ITFG1: variants seen among roughly 807,000 people sequenced by gnomAD.
The protein encoded by ITFG1 is T-cell immunomodulatory protein.
ITFG1 carries 34 observed loss-of-function variants against 81.8 expected under a neutral mutation model. That is an observed-to-expected ratio of 0.42 (90% CI 0.32 to 0.55). ITFG1 has a LOEUF of 0.55. ITFG1 is among the 20% of genes least tolerant of loss of function. The pLI is 0.17. For synonymous variants in ITFG1, 285 were observed against 270.6 expected (o/e 1.05, Z -0.52); for missense variants, 672 against 755.4 (o/e 0.89, Z 1.29).
chr16:47,301,136 G>A (rs1967069354), intron 10 of ITFG1, among the ~76,000 whole-genome samples: 1 of 152,046 alleles, frequency 6.6e-6, no homozygotes. Flanking sequence ...AAAGACAAAT[G>A]AGAATAAAAC....
intron 14 of ITFG1, among the ~76,000 whole-genome samples, chr16:47,173,018 A>C (rs1206244084): frequency 6.6e-6 from 1 of 152,102 alleles, no homozygotes; most frequent in Non-Finnish European, 1.5e-5. Flanking sequence ...AAAATCTAGG[A>C]GTGCTTATAT....
At chr16:47,164,470 C>T (rs1259106103) in intron 14 of ITFG1, among the ~76,000 whole-genome samples, 1 of 152,196 alleles carries the variant, frequency 6.6e-6, no homozygotes, top group African/African-American at 2.4e-5. Flanking sequence ...TTACGCAGGG[C>T]TTCATGGTGA....
chr16:47,434,742 C>T (rs1018263746), intron 5 of ITFG1, among the ~76,000 whole-genome samples: 18 of 151,990 alleles, frequency 1.2e-4, no homozygotes, highest in African/African-American at 3.6e-4. Flanking sequence ...GCACTATGCA[C>T]GATAGCAACG....
At chr16:47,336,456 C>A (rs2151575709) in intron 8 of ITFG1, among the ~76,000 whole-genome samples, 1 of 152,300 alleles carries the variant, frequency 6.6e-6, no homozygotes, top group Admixed American at 6.5e-5. Context: ...ACTTATAAAT[C>A]ATTGTGTATG....
At chr16:47,309,298 T>C (rs1371343724) in intron 10 of ITFG1, among the ~76,000 whole-genome samples, 2 of 151,980 alleles carry the variant, frequency 1.3e-5, no homozygotes, top group African/African-American at 2.4e-5. Context: ...CCTCGATCTC[T>C]TGACCTCATG....
At chr16:47,296,683 G>A (rs1966986833) in intron 10 of ITFG1, among the ~76,000 whole-genome samples, 1 of 152,174 alleles carries the variant, frequency 6.6e-6, no homozygotes, top group Non-Finnish European at 1.5e-5. Flanking sequence ...TGATCCACTG[G>A]CCTCGGTCTC....
intron 8 of ITFG1, among the ~76,000 whole-genome samples, chr16:47,316,683 C>T (rs1029406002): frequency 6.6e-6 from 1 of 152,148 alleles, no homozygotes; most frequent in Non-Finnish European, 1.5e-5. Context: ...GTTTCCACAG[C>T]CTTTCTTTGC....
chr16:47,269,668 A>G (rs1265723656), intron 10 of ITFG1, among the ~76,000 whole-genome samples: 1 of 152,196 alleles, frequency 6.6e-6, no homozygotes, highest in Non-Finnish European at 1.5e-5. Flanking sequence ...ATTCATAGTC[A>G]GAGGATGCAA....
rs115172486 is a variant in ITFG1, at chr16:47,235,837, A to T, written c.1374+2128T>A. ...AGTAAATAATTTCGCAAGTGGGCAT[A>T]CATTTGACATTTGTGATACTGGGTA... On this transcript the variant is annotated intron_variant, in intron 13 of 17. Transcript: ENST00000320640. Among the ~76,000 whole-genome samples the T allele has an allele frequency of 4.6e-3, 697 of 152,364 alleles. 4 individuals carry two copies. The highest frequency in any genetic ancestry group is 0.016 in the African/African-American group (674 of 41,586).
intron 14 of ITFG1, among the ~76,000 whole-genome samples, chr16:47,177,147 T>A (rs954616434): frequency 2.6e-4 from 40 of 152,064 alleles, no homozygotes; most frequent in African/African-American, 9.2e-4. Context: ...TTTTTTAAAA[T>A]TTTTAAGGGA....
At chr16:47,171,369 T>C (rs1435524341) in intron 14 of ITFG1, among the ~76,000 whole-genome samples, 2 of 152,198 alleles carry the variant, frequency 1.3e-5, no homozygotes, top group Non-Finnish European at 2.9e-5. Flanking sequence ...TTAACTTCTA[T>C]AAGGTCAGCA....
Position 47,395,927 on chromosome 16 carries a change from C to A in ITFG1, c.656-19987G>T, listed in dbSNP as rs192662868. 1.3e-3 allele frequency among the ~76,000 whole-genome samples: 195 copies of A among 152,304 alleles called. 1 individual carries two copies. Among genetic ancestry groups the A allele is most frequent in the Non-Finnish European group, 2.1e-3 (142 of 68,024 alleles). On this transcript the variant is annotated intron_variant, in intron 6 of 17. Coordinates refer to ENST00000320640, the MANE Select transcript of ITFG1 (RefSeq NM_030790.5). ...TAAGAACACATCTATATTCAGAAAG[C>A]AGGTGTGAAGAAATATCAAACCATG...
intron 8 of ITFG1, among the ~76,000 whole-genome samples, chr16:47,341,831 C>T (rs1967788645): frequency 6.6e-6 from 1 of 152,016 alleles, no homozygotes; most frequent in South Asian, 2.1e-4. Flanking sequence ...ATGAAATGAA[C>T]AAGTTCCTAA....
intron 14 of ITFG1, among the ~76,000 whole-genome samples, chr16:47,166,243 A>G (rs776137344): frequency 6.6e-6 from 1 of 152,244 alleles, no homozygotes; most frequent in Non-Finnish European, 1.5e-5. Flanking sequence ...TATTTTGTCT[A>G]CATGACATCA....
intron 5 of ITFG1, among the ~76,000 whole-genome samples, chr16:47,443,593 T>C (rs772094630): frequency 3.3e-5 from 5 of 152,162 alleles, no homozygotes; most frequent in Non-Finnish European, 7.3e-5. Flanking sequence ...TTCATGTCCT[T>C]TGTGGGGACA....
intron 6 of ITFG1, among the ~76,000 whole-genome samples, chr16:47,410,168 A>T (rs1272142494): frequency 6.6e-6 from 1 of 152,180 alleles, no homozygotes; most frequent in South Asian, 2.1e-4. Flanking sequence ...AGTCCCAGCT[A>T]CTCAGAAGGC....
chr16:47,199,269 C>CCCAAACCAAA (rs138629856), intron 14 of ITFG1, among the ~76,000 whole-genome samples: 143,806 of 150,708 alleles, frequency 0.95, 68,955 homozygotes, highest in East Asian at 1. Context: ...TCCAAAAAAA[C>CCCAAACCAAA]CCAAACCAAA....
At chr16:47,399,539 C>T (rs1365491326) in intron 6 of ITFG1, among the ~76,000 whole-genome samples, 1 of 151,682 alleles carries the variant, frequency 6.6e-6, no homozygotes, top group Admixed American at 6.6e-5. Context: ...CGCCGCTGCA[C>T]TCCAGCCTGG....
intron 14 of ITFG1, among the ~76,000 whole-genome samples, chr16:47,180,393 T>A (rs577770587): frequency 6.6e-6 from 1 of 150,800 alleles, no homozygotes; most frequent in East Asian, 2.0e-4. Context: ...CCCCACGGTC[T>A]CCCTCTCCCT....
Sources: gnomAD v4.1 joint callset for allele counts (sites outside exome capture counted in the v4.1 genomes callset) on GRCh38, gnomAD v4.1.1 for gene constraint, MANE v1.5 for transcripts, NCBI Gene and HGNC (gene_info 2026-07-23, HGNC 2026-07-21) for gene names.